PCDH15: variants seen among roughly 807,000 people sequenced by gnomAD.
PCDH15 encodes protocadherin-15.
PCDH15 carries 129 observed loss-of-function variants against 178.5 expected under a neutral mutation model. The ratio of observed to expected loss-of-function variants is 0.72; its 90% CI spans 0.63 to 0.84. PCDH15 has a LOEUF of 0.84. Ranked by LOEUF, PCDH15 falls within the 40% of genes least tolerant of loss-of-function variation. The pLI is 0.00. For missense variants in PCDH15, 2,230 were observed against 2,099.9 expected, an observed-to-expected ratio of 1.06 and a Z score of -1.21; for synonymous variants, 800 against 732.0, an observed-to-expected ratio of 1.09 and a Z score of -1.50.
At chr10:55,045,948 C>T (rs1840993426) in intron 2 of PCDH15, among the ~76,000 whole-genome samples, 1 of 151,978 alleles carries the variant, frequency 6.6e-6, no homozygotes, top group Non-Finnish European at 1.5e-5. Flanking sequence ...AATTGTTCTC[C>T]AGTAGGACTC....
chr10:54,341,230 T>C (rs1015731445), intron 6 of PCDH15, among the ~76,000 whole-genome samples: 2 of 152,116 alleles, frequency 1.3e-5, no homozygotes, highest in Admixed American at 1.3e-4. Context: ...AATTACAATG[T>C]CAAATTGTAA....
intron 11 of PCDH15, among the ~76,000 whole-genome samples, chr10:54,187,238 CT>C (rs1315934391): frequency 6.6e-6 from 1 of 151,810 alleles, no homozygotes; most frequent in Admixed American, 6.6e-5. Flanking sequence ...TCCTTTATAC[CT>C]TAATTCTCTC....
chr10:54,324,851 A>T (rs2061838793), intron 7 of PCDH15, among the ~76,000 whole-genome samples: 1 of 152,068 alleles, frequency 6.6e-6, no homozygotes, highest in African/African-American at 2.4e-5. Context: ...AAGTGTTCTT[A>T]TATATTTCAC....
At chr10:55,567,851 A>G (rs1296433576) in intron 2 of PCDH15, among the ~76,000 whole-genome samples, 3 of 152,056 alleles carry the variant, frequency 2.0e-5, no homozygotes, top group African/African-American at 4.8e-5. Flanking sequence ...CATGAAAAAA[A>G]AAACTACAAT....
At chr10:54,714,176 C>T (rs886620992) in intron 1 of PCDH15, among the ~76,000 whole-genome samples, 1 of 152,148 alleles carries the variant, frequency 6.6e-6, no homozygotes. Flanking sequence ...GGACACTGAA[C>T]TGTAATCAGA....
Position 54,189,925 on chromosome 10 carries a change from ATGTGTGTG to A in PCDH15, c.1306-4665_1306-4658del, listed in dbSNP as rs57024579. Among the ~76,000 whole-genome samples, 726 of 141,556 alleles carry A rather than the reference ATGTGTGTG, an allele frequency of 5.1e-3. 5 individuals carry two copies. Among genetic ancestry groups the A allele is most frequent in the Middle Eastern group, 0.018 (5 of 282 alleles). 92.9% of individuals were successfully genotyped at this position (141,556 alleles called of 152,430 possible). On this transcript the variant is annotated intron_variant, in intron 11 of 37. Transcript: ENST00000644397. ...TTCATATATGTATACATGCATGTGT[ATGTGTGTG>A]TGTGTGTGTGTGTGTGTGTGTGTGT...
intron 2 of PCDH15, among the ~76,000 whole-genome samples, chr10:55,342,886 C>T (rs1209610988): frequency 1.3e-5 from 2 of 152,172 alleles, no homozygotes; most frequent in East Asian, 1.9e-4. Flanking sequence ...TCCAGAAGGA[C>T]CTGAGAGTGT....
chr10:53,865,734 T>C (rs185355570), intron 27 of PCDH15, among the ~76,000 whole-genome samples: 3 of 77,540 alleles, frequency 3.9e-5, no homozygotes, highest in South Asian at 5.2e-4. Flanking sequence ...TTCACCATTA[T>C]CTAAGAAGAA....
intron 1 of PCDH15, among the ~76,000 whole-genome samples, chr10:54,698,949 T>C (rs117240185): frequency 0.043 from 6,550 of 152,210 alleles, 213 homozygotes; most frequent in Non-Finnish European, 0.067. Flanking sequence ...CCTTGACTTA[T>C]ATAATAAATT....
chr10:53,964,431 A>AAAATTTTTATAAATTTTATTTATTCAT (rs1323625740), intron 21 of PCDH15, among the ~76,000 whole-genome samples: 6 of 132,460 alleles, frequency 4.5e-5, no homozygotes, highest in Non-Finnish European at 5.4e-5. Context: ...ATTTATTCAT[A>AAAATTTTTATAAATTTTATTTATTCAT]AAATTTTTAT....
intron 14 of PCDH15, among the ~76,000 whole-genome samples, chr10:54,134,096 T>C (rs2042680952): frequency 7.4e-6 from 1 of 134,694 alleles, no homozygotes; most frequent in South Asian, 2.7e-4. Flanking sequence ...CAGGCTGGAG[T>C]GCAGTGGCAT....
intron 2 of PCDH15, among the ~76,000 whole-genome samples, chr10:54,631,109 A>G (rs1417431008): frequency 6.6e-6 from 1 of 152,156 alleles, no homozygotes; most frequent in East Asian, 1.9e-4. Context: ...TGTTTGGGTT[A>G]TGGAGGCTGA....
At chr10:54,904,970 T>G (rs932471145) in intron 2 of PCDH15, among the ~76,000 whole-genome samples, 1 of 151,800 alleles carries the variant, frequency 6.6e-6, no homozygotes, top group Non-Finnish European at 1.5e-5. Flanking sequence ...GCATCTGCTA[T>G]GTATCAGGCA....
chr10:54,804,927 T>TTTTATATATATATATATATATATA (rs536235796), upstream of PCDH15, among the ~76,000 whole-genome samples: 5 of 50,844 alleles, frequency 9.8e-5, no homozygotes, highest in African/African-American at 2.6e-4. Context: ...TCATAGTAGA[T>TTTTATATATATATATATATATATA]TATATATATA....
At chr10:55,112,684 C>T (rs982245204) in intron 2 of PCDH15, among the ~76,000 whole-genome samples, 28 of 152,146 alleles carry the variant, frequency 1.8e-4, no homozygotes, top group East Asian at 3.9e-4. Flanking sequence ...TCCCATATGA[C>T]GATCAGCATG....
At chr10:53,881,475 T>C (rs2080713706) in intron 26 of PCDH15, among the ~76,000 whole-genome samples, 1 of 152,302 alleles carries the variant, frequency 6.6e-6, no homozygotes, top group East Asian at 1.9e-4. Flanking sequence ...TAATCATTGA[T>C]AAAATTTTCT....
intron 2 of PCDH15, among the ~76,000 whole-genome samples, chr10:54,657,841 A>G (rs967344940): frequency 6.6e-6 from 1 of 152,138 alleles, no homozygotes; most frequent in African/African-American, 2.4e-5. Context: ...TTGCACTCTA[A>G]CCATAGATTC....
chr10:54,298,332 C>A (rs947815643), intron 8 of PCDH15, among the ~76,000 whole-genome samples: 5 of 152,146 alleles, frequency 3.3e-5, no homozygotes, highest in African/African-American at 1.2e-4. Context: ...ATTATTAAAC[C>A]TGGCAACCTT....
intron 13 of PCDH15, among the ~76,000 whole-genome samples, chr10:54,175,301 C>A (rs975747539): frequency 6.6e-6 from 1 of 152,028 alleles, no homozygotes; most frequent in African/African-American, 2.4e-5. Context: ...CATTAAAATA[C>A]GATGTAGTTT....
Sources: gnomAD v4.1 joint callset for allele counts (sites outside exome capture counted in the v4.1 genomes callset) on GRCh38, gnomAD v4.1.1 for gene constraint, MANE v1.5 for transcripts, NCBI Gene and HGNC (gene_info 2026-07-23, HGNC 2026-07-21) for gene names.